The following RAP1GAP2 variants were observed in gnomAD, a reference collection of about 807,000 sequenced individuals.
RAP1GAP2 encodes RAP1 GTPase activating protein 2, also known as rap1 GTPase-activating protein 2.
Under a neutral mutation model 95.0 loss-of-function variants are expected in RAP1GAP2, and 27 were observed. The observed-to-expected ratio is 0.28, with a 90% CI of 0.21 to 0.39. The LOEUF (loss-of-function observed/expected upper bound fraction) is 0.39, where lower values mean the gene tolerates loss of function less well. Ranked by LOEUF, RAP1GAP2 falls within the 10% of genes least tolerant of loss-of-function variation. The probability of loss-of-function intolerance (pLI) is 1.00; values close to 1 mark genes in which losing one functional copy is unlikely to be tolerated. For missense variants in RAP1GAP2, 771 were observed against 970.0 expected (o/e 0.79, Z 2.72); for synonymous variants, 373 against 380.9 (o/e 0.98, Z 0.24).
At position 3,034,024 on chromosome 17, in the gene RAP1GAP2, G is replaced by C. The variant is rs116463580; in HGVS notation, c.*663G>C. On this transcript the variant is annotated 3_prime_UTR_variant, in exon 25 of 25. Coordinates refer to ENST00000254695, the MANE Select transcript of RAP1GAP2 (RefSeq NM_015085.5). The surrounding 1 kb of genome is among the most constrained non-coding windows in gnomAD (Gnocchi z 5.1). Reference sequence around the variant, plus strand: ...GCCCTGCCCCTGCTGCCAGTGTACCGTGAGCGGGGCTCCAGCCAGTTCAAG... The same window carrying C: ...GCCCTGCCCCTGCTGCCAGTGTACCCTGAGCGGGGCTCCAGCCAGTTCAAG... The C allele has an allele frequency of 6.5e-6, 1 of 152,906 alleles. No individual in the cohort carries two copies. Among genetic ancestry groups the C allele is most frequent in the South Asian group, 2.1e-4 (1 of 4,868 alleles). 9.5% of individuals were successfully genotyped at this position (152,906 alleles called of 1,614,324 possible). A position where few individuals can be genotyped will look rare whatever the true frequency, so the allele number is the denominator to read the frequency against.
chr17:2,763,914 A>G (rs1342179479), intron 1 of RAP1GAP2, among the ~76,000 whole-genome samples: 1 of 151,616 alleles, frequency 6.6e-6, no homozygotes, highest in African/African-American at 2.4e-5. Context: ...CAGCCTGGGG[A>G]CCTGTGTGTG....
intron 8 of RAP1GAP2, among the ~76,000 whole-genome samples, chr17:2,970,818 T>A (rs1446421249): frequency 2.0e-5 from 3 of 151,914 alleles, no homozygotes; most frequent in Non-Finnish European, 2.9e-5. Context: ...GGCGGGAGGA[T>A]CACTTGAGCC....
At position 2,980,404 on chromosome 17, in the gene RAP1GAP2, T is replaced by G. The variant is rs568776947; in HGVS notation, c.675+39T>G. The stretch of plus-strand genomic sequence containing the variant: ...CCGTGAGAGATGGTGGCTTCCTCTC[T>G]CAGCCCAGGGCTGGCCTCTGGAATG... On this transcript the variant is annotated intron_variant, in intron 9 of 24. Coordinates refer to ENST00000254695, the MANE Select transcript of RAP1GAP2 (RefSeq NM_015085.5). 295 of 1,600,594 alleles carry G rather than the reference T, an allele frequency of 1.8e-4. 4 individuals carry two copies. The South Asian group carries it at 3.2e-3, about 17-fold the overall frequency.
chr17:2,983,726 A>G (rs1319753101), intron 10 of RAP1GAP2, among the ~76,000 whole-genome samples: 1 of 152,196 alleles, frequency 6.6e-6, no homozygotes, highest in Non-Finnish European at 1.5e-5. Flanking sequence ...GTGAAAAATG[A>G]TACTCAGTTT....
chr17:2,797,584 T>C lies in RAP1GAP2; in HGVS notation c.44+1013T>C. ...AGAGGGGCTGTGTTCCTCGGTAATT[T>C]TTCGCTTCCGTGTGTGTGGCTTATT... On this transcript the variant is annotated intron_variant, in intron 1 of 24. Coordinates refer to ENST00000254695, the MANE Select transcript of RAP1GAP2 (RefSeq NM_015085.5). This position sits in a 1 kb window ranked among gnomAD's most constrained non-coding sequence, Gnocchi z 5.6. The C allele has an allele frequency of 1.8e-6, 1 of 543,056 alleles. No individual in the cohort carries two copies. Among genetic ancestry groups the C allele is most frequent in the Non-Finnish European group, 2.3e-6 (1 of 426,258 alleles). The allele number at this position is 543,056 out of a possible 1,614,324, so 33.6% of individuals were successfully genotyped here.
upstream of RAP1GAP2, among the ~76,000 whole-genome samples, chr17:2,795,279 A>G (rs1159540313): frequency 6.7e-6 from 1 of 148,328 alleles, no homozygotes; most frequent in African/African-American, 2.5e-5. Context: ...CACTCCCCCC[A>G]GTGTCTGTTG....
intron 2 of RAP1GAP2, among the ~76,000 whole-genome samples, chr17:2,881,884 A>G (rs975673252): frequency 2.6e-5 from 4 of 152,028 alleles, no homozygotes; most frequent in Non-Finnish European, 4.4e-5. Flanking sequence ...GCAGTGGCGC[A>G]ATCTCGGCTC....
chr17:2,805,316 C>T (rs1032842504), intron 2 of RAP1GAP2, among the ~76,000 whole-genome samples: 7 of 152,074 alleles, frequency 4.6e-5, no homozygotes, highest in African/African-American at 1.4e-4. Context: ...GCAGCCGGAA[C>T]GGGAGGATCT....
Position 2,796,685 on chromosome 17 carries a change from G to A in RAP1GAP2, c.44+114G>A. The A allele has an allele frequency of 1.6e-6, 2 of 1,250,418 alleles. No homozygotes were observed. The highest frequency in any genetic ancestry group is 2.6e-5 in the South Asian group (2 of 77,384). 77.5% of individuals were successfully genotyped at this position (1,250,418 alleles called of 1,614,324 possible). On this transcript the variant is annotated intron_variant, in intron 1 of 24. Coordinates refer to ENST00000254695, the MANE Select transcript of RAP1GAP2 (RefSeq NM_015085.5). This position sits in a 1 kb window ranked among gnomAD's most constrained non-coding sequence, Gnocchi z 4.7. ...GGGGCTCGGGCTGTGCCTGAGAGCT[G>A]GGTCTGCTGACGCCCTGGCAGGTCG...
chr17:2,932,765 C>G lies in RAP1GAP2; in HGVS notation c.166-24994C>G, dbSNP rs1020412739. Among the ~76,000 whole-genome samples, 8 of 131,242 alleles carry G rather than the reference C, an allele frequency of 6.1e-5. No individual in the cohort carries two copies. In the East Asian group the frequency reaches 1.7e-3, roughly 28 times the overall value. 86.1% of individuals were successfully genotyped at this position (131,242 alleles called of 152,430 possible). A position where few individuals can be genotyped will look rare whatever the true frequency, so the allele number is the denominator to read the frequency against. On this transcript the variant is annotated intron_variant, in intron 3 of 24. Coordinates refer to ENST00000254695, the MANE Select transcript of RAP1GAP2 (RefSeq NM_015085.5). ...CGGGGGAGGCAGAGGTTGCAGTGAGCCAAGATTGCACCACTGCACTCCAGC... is the reference window on the plus strand; with the variant it reads ...CGGGGGAGGCAGAGGTTGCAGTGAGGCAAGATTGCACCACTGCACTCCAGC...
rs1048359801 is a variant in RAP1GAP2, at chr17:2,887,965, C to T, written c.81-17319C>T. Among the ~76,000 whole-genome samples, 9 of 152,180 alleles carry T rather than the reference C, an allele frequency of 5.9e-5. 1 individual carries two copies. Among genetic ancestry groups the T allele is most frequent in the Non-Finnish European group, 1.2e-4 (8 of 68,026 alleles). ...CTGGGATTACAAGTGTGAACCGCTG[C>T]GCCTGGCCTAACTATTATCTCTACT... On this transcript the variant is annotated intron_variant, in intron 2 of 24. Coordinates refer to ENST00000254695, the MANE Select transcript of RAP1GAP2 (RefSeq NM_015085.5).
chr17:2,918,451 A>AAAT (rs1177343863), intron 3 of RAP1GAP2, among the ~76,000 whole-genome samples: 1 of 151,558 alleles, frequency 6.6e-6, no homozygotes, highest in African/African-American at 2.4e-5. Context: ...AAAAAAAAAA[A>AAAT]AAGAAAGGTT....
Position 3,005,899 on chromosome 17 carries a change from G to T in RAP1GAP2, c.1273-56G>T. The stretch of plus-strand genomic sequence containing the variant: ...CTGCCTGCCTGTCACTGTGGCTGAA[G>T]ACCTTCTGGCAACAGCCGAGAGTGA... On this transcript the variant is annotated intron_variant, in intron 15 of 24. Coordinates refer to ENST00000254695, the MANE Select transcript of RAP1GAP2 (RefSeq NM_015085.5). The surrounding 1 kb of genome is among the most constrained non-coding windows in gnomAD (Gnocchi z 5.2). The T allele has an allele frequency of 1.3e-6, 2 of 1,522,832 alleles. No homozygotes were observed. The highest frequency in any genetic ancestry group is 1.1e-5 in the South Asian group (1 of 89,208). The allele number at this position is 1,522,832 out of a possible 1,614,324, so 94.3% of individuals were successfully genotyped here.
chr17:2,805,099 A>C (rs1192658005), intron 2 of RAP1GAP2, among the ~76,000 whole-genome samples: 5 of 152,148 alleles, frequency 3.3e-5, no homozygotes, highest in Admixed American at 1.3e-4. Flanking sequence ...AGTGCCTGGC[A>C]CAAAACAGGT....
In RAP1GAP2 at chr17:2,832,204, C is replaced by CAAA. The variant is rs55912847; in HGVS notation, c.80+31663_80+31665dup. Among the ~76,000 whole-genome samples, 14 of 96,970 alleles carry CAAA rather than the reference C, an allele frequency of 1.4e-4. 1 individual carries two copies. The highest frequency in any genetic ancestry group is 2.1e-4 in the Non-Finnish European group (11 of 53,422). The allele number at this position is 96,970 out of a possible 152,430, so 63.6% of individuals were successfully genotyped here. ...GGGTGACAGAGTGAGACTCTGTCTCCAAAAAAAAAAAGAAAACAAAAAAAC... is the reference window on the plus strand; with the variant it reads ...GGGTGACAGAGTGAGACTCTGTCTCCAAAAAAAAAAAAAAGAAAACAAAAAAAC... On this transcript the variant is annotated intron_variant, in intron 2 of 24. Transcript: ENST00000254695.
intron 3 of RAP1GAP2, among the ~76,000 whole-genome samples, chr17:2,905,913 C>G (rs1333937169): frequency 2.6e-5 from 4 of 152,212 alleles, no homozygotes; most frequent in Non-Finnish European, 4.4e-5. Context: ...GGCCCAGGAC[C>G]TTCTCACTCC....
chr17:2,769,216 A>G (rs2068337097), intron 1 of RAP1GAP2, among the ~76,000 whole-genome samples: 1 of 135,390 alleles, frequency 7.4e-6, no homozygotes, highest in Non-Finnish European at 1.5e-5. Context: ...TGGATGAGAA[A>G]GTGAAACCAT....
rs964736320 is a variant in RAP1GAP2 at position 2,998,223 on chromosome 17, C to T, written c.1047C>T (p.Leu349=). 3 of 1,613,380 alleles carry T rather than the reference C, an allele frequency of 1.9e-6. No homozygotes were observed. Among genetic ancestry groups the T allele is most frequent in the Non-Finnish European group, 2.5e-6 (3 of 1,179,514 alleles). Residue 349 remains leucine, a splice_region_variant and synonymous_variant, in exon 14 of 25, where the codon CTC becomes CTT. Coordinates refer to ENST00000254695, the MANE Select transcript of RAP1GAP2 (RefSeq NM_015085.5). ...LPFTDGDAQQ[L]QRKRHIGNDI... ...ACCTCTCAACACTTTTTATTTAGCT[C>T]CAGAGAAAGAGACACATTGGAAATG...
intron 12 of RAP1GAP2, among the ~76,000 whole-genome samples, chr17:2,994,085 C>T (rs1192834615): frequency 6.6e-6 from 1 of 152,098 alleles, no homozygotes; most frequent in African/African-American, 2.4e-5. Context: ...AGCTGAAATA[C>T]AGTATAGTAA....
Sources: gnomAD v4.1 joint callset for allele counts (sites outside exome capture counted in the v4.1 genomes callset) on GRCh38, gnomAD v4.1.1 for gene constraint, Gnocchi (gnomAD v3.1) non-coding constraint, MANE v1.5 for transcripts, NCBI Gene and HGNC (gene_info 2026-07-23, HGNC 2026-07-21) for gene names.